Variants in SLC22A15 observed in about 807,000 individuals in gnomAD.
The protein encoded by SLC22A15 is solute carrier family 22 member 15.
In SLC22A15, 45 loss-of-function variants were observed where a neutral mutation model predicts 62.7. The ratio of observed to expected loss-of-function variants is 0.72; its 90% CI spans 0.56 to 0.92. The LOEUF is 0.92. Among genes scored for constraint, SLC22A15 ranks in the 40% least tolerant of loss-of-function variants. The pLI, the probability that SLC22A15 is intolerant of heterozygous loss-of-function variation, is 0.00. For synonymous variants in SLC22A15, 264 were observed against 267.0 expected (o/e 0.99, Z 0.11); for missense variants, 622 against 665.6 (o/e 0.93, Z 0.72).
rs560226980 is a variant in SLC22A15 at position 116,026,509 on chromosome 1, T to C, written c.599-384T>C. ...TGTGATAAAGATTAAGTTTCTGGTATTGCAATAACCTCATGACCTGAAAAG... is the reference window on the plus strand; with the variant it reads ...TGTGATAAAGATTAAGTTTCTGGTACTGCAATAACCTCATGACCTGAAAAG... On this transcript the variant is annotated intron_variant, in intron 4 of 11. Transcript: ENST00000369503. Among the ~76,000 whole-genome samples, 12 of 152,204 alleles carry C rather than the reference T, an allele frequency of 7.9e-5. No individual in the cohort carries two copies. In the South Asian group the frequency reaches 2.5e-3, roughly 32 times the overall value.
In SLC22A15 at chr1:116,058,235, A is replaced by G. The variant is rs571839347; in HGVS notation, c.1172-4527A>G. On this transcript the variant is annotated intron_variant, in intron 8 of 11. Coordinates refer to ENST00000369503, the MANE Select transcript of SLC22A15 (RefSeq NM_018420.3). ...TCTGTACATCTGACAAAGGACTAATATTCAGAATCTACAACAAACTCAAAC... is the reference window on the plus strand; with the variant it reads ...TCTGTACATCTGACAAAGGACTAATGTTCAGAATCTACAACAAACTCAAAC... Among the ~76,000 whole-genome samples the G allele has an allele frequency of 1.2e-3, 187 of 152,310 alleles. 1 individual carries two copies. Among genetic ancestry groups the G allele is most frequent in the Non-Finnish European group, 1.8e-3 (121 of 68,024 alleles).
At chr1:116,026,673 A>G (rs1024074048) in intron 4 of SLC22A15, among the ~76,000 whole-genome samples, 2 of 152,172 alleles carry the variant, frequency 1.3e-5, no homozygotes, top group African/African-American at 2.4e-5. Context: ...TTTTTTGTCT[A>G]TCTTCCCTTT....
chr1:116,034,245 A>G (rs1312397101), intron 6 of SLC22A15, among the ~76,000 whole-genome samples: 1 of 152,178 alleles, frequency 6.6e-6, no homozygotes, highest in Non-Finnish European at 1.5e-5. Flanking sequence ...TATTTTTGTA[A>G]AGCCCAGTTT....
In SLC22A15 at chr1:116,066,505, TC is replaced by T. The variant is rs3833541; in HGVS notation, c.1366-11del. The T allele has an allele frequency of 0.77, 1,205,691 of 1,566,732 alleles. 476,764 individuals carry two copies. The highest frequency in any genetic ancestry group is 0.81 in the Non-Finnish European group (932,338 of 1,152,696). ...ATTCTCTGGTTTATTTTCATTCCAC[TC>T]CCCGCCTCTGCAGAAATATGTGCAA... On this transcript the variant is annotated splice_polypyrimidine_tract_variant and intron_variant, in intron 10 of 11. Transcript: ENST00000369503.
intron 2 of SLC22A15, among the ~76,000 whole-genome samples, chr1:116,000,185 T>G (rs1655650480): frequency 6.6e-6 from 1 of 152,212 alleles, no homozygotes; most frequent in Admixed American, 6.5e-5. Flanking sequence ...CTCTTCCTTT[T>G]TTCTTTTTTG....
In SLC22A15 at chr1:116,064,419, T is replaced by C; in HGVS notation, c.1293-17T>C. 6.2e-7 allele frequency: 1 copy of C among 1,605,720 alleles called. No individual in the cohort carries two copies. The highest frequency in any genetic ancestry group is 8.5e-7 in the Non-Finnish European group (1 of 1,172,578). On this transcript the variant is annotated splice_polypyrimidine_tract_variant and intron_variant, in intron 9 of 11. Transcript: ENST00000369503. ...TCCGCTAGAACTTACTGATGTATTT[T>C]TACTTATGCTTTTCAGGAATGTTGG...
chr1:116,032,743 C>T, intron 6 of SLC22A15: 1 of 601,228 alleles, frequency 1.7e-6, no homozygotes, highest in African/African-American at 2.0e-5. Context: ...AACCTGACAA[C>T]ACAACATAGG....
At chr1:115,998,796 C>T (rs1187866049) in intron 2 of SLC22A15, among the ~76,000 whole-genome samples, 1 of 151,792 alleles carries the variant, frequency 6.6e-6, no homozygotes, top group African/African-American at 2.4e-5. Flanking sequence ...CTTCTCTCAT[C>T]TTTATTATTT....
At position 116,010,806 on chromosome 1, in the gene SLC22A15, C is replaced by T. The variant is rs549110532; in HGVS notation, c.301-8776C>T. On this transcript the variant is annotated intron_variant, in intron 2 of 11. Coordinates refer to ENST00000369503, the MANE Select transcript of SLC22A15 (RefSeq NM_018420.3). ...AGGAAGCTGCTATTGGCTTCATCCCCGCAGCCTTGAAATACTGACAAGCTA... is the reference window on the plus strand; with the variant it reads ...AGGAAGCTGCTATTGGCTTCATCCCTGCAGCCTTGAAATACTGACAAGCTA... Among the ~76,000 whole-genome samples the T allele has an allele frequency of 8.5e-5, 13 of 152,226 alleles. 1 individual carries two copies. Among genetic ancestry groups the T allele is most frequent in the South Asian group, 4.2e-4 (2 of 4,818 alleles).
chr1:116,014,277 C>A (rs1199377179), intron 2 of SLC22A15, among the ~76,000 whole-genome samples: 1 of 152,170 alleles, frequency 6.6e-6, no homozygotes, highest in African/African-American at 2.4e-5. Context: ...TTCCTTTCAT[C>A]TTTTATGTTA....
chr1:116,053,933 C>T (rs1448539873), intron 8 of SLC22A15, among the ~76,000 whole-genome samples: 2 of 151,756 alleles, frequency 1.3e-5, no homozygotes, highest in African/African-American at 2.4e-5. Flanking sequence ...ACAACCGGTA[C>T]CAGCCGCTGC....
chr1:116,064,363 C>T (rs750932140), intron 9 of SLC22A15, 73 bp from the exon 10 acceptor site: 17 of 1,097,860 alleles, frequency 1.5e-5, no homozygotes, highest in South Asian at 5.2e-5. Flanking sequence ...ATTCAAGGCC[C>T]GCTGCTGCCC....
chr1:116,061,701 T>G (rs996868905), intron 8 of SLC22A15, among the ~76,000 whole-genome samples: 5 of 151,784 alleles, frequency 3.3e-5, no homozygotes, highest in Admixed American at 2.6e-4. Context: ...AAAAAAATCA[T>G]TAAATTGTAG....
rs908460213 is a variant in SLC22A15, at chr1:116,020,643, A to C, written c.434-78A>C. On this transcript the variant is annotated intron_variant, in intron 3 of 11. Coordinates refer to ENST00000369503, the MANE Select transcript of SLC22A15 (RefSeq NM_018420.3). ...TAAGTTTACAAACATTTATTTTATA[A>C]GCTAATGAATATAATTTATTACTTT... 221 of 1,107,610 alleles carry C rather than the reference A, an allele frequency of 2.0e-4. 2 individuals are homozygous for C. The highest frequency in any genetic ancestry group is 1.2e-4 in the Admixed American group (4 of 34,280). The allele number at this position is 1,107,610 out of a possible 1,614,324, so 68.6% of individuals were successfully genotyped here. A position where few individuals can be genotyped will look rare whatever the true frequency, so the allele number is the denominator to read the frequency against.
intron 2 of SLC22A15, among the ~76,000 whole-genome samples, chr1:116,015,636 G>C: frequency 6.6e-6 from 1 of 152,092 alleles, no homozygotes; most frequent in East Asian, 1.9e-4. Flanking sequence ...CAATAAAACA[G>C]GCCAAGATCA....
chr1:116,038,858 A>G (rs10923962), intron 8 of SLC22A15, among the ~76,000 whole-genome samples: 135,456 of 152,156 alleles, frequency 0.89, 61,252 homozygotes, highest in East Asian at 1. Context: ...CTAGTCCTAT[A>G]TACACACGTG....
rs1441314741 is a variant in SLC22A15 at position 116,067,052 on chromosome 1, A to G, written c.1588A>G (p.Ser530Gly). ...CAAGGAGAGCTCTTTAGGGAGTGAG[A>G]GTGAGGAAGAGGAAGAATTTTATGA... Reference protein sequence around the residue: ...VDKESSLGSESEEEEEFYDAD... With the variant: ...VDKESSLGSEGEEEEEFYDAD... The change falls in exon 12 of 12, where the codon AGT becomes GGT. Residue 530 changes from serine to glycine, a missense_variant. Physicochemically the swap from Ser to Gly is moderately conservative, Grantham distance 56. Coordinates refer to ENST00000369503, the MANE Select transcript of SLC22A15 (RefSeq NM_018420.3). 1 of 1,612,730 alleles carries G rather than the reference A, an allele frequency of 6.2e-7. No homozygotes were observed. The highest frequency in any genetic ancestry group is 8.5e-7 in the Non-Finnish European group (1 of 1,179,480).
chr1:116,057,391 A>G (rs1195988928), intron 8 of SLC22A15, among the ~76,000 whole-genome samples: 1 of 151,946 alleles, frequency 6.6e-6, no homozygotes, highest in Admixed American at 6.6e-5. Flanking sequence ...GGTGATCATT[A>G]AAAAGTCAGG....
rs1400826631 is a variant in SLC22A15, at chr1:116,067,890, G to C, written c.*782G>C. The stretch of plus-strand genomic sequence containing the variant: ...TGCACATCCAGAAAAATTTCCATCT[G>C]AGATTCTAGTACTTCAAAATCATGC... On this transcript the variant is annotated 3_prime_UTR_variant, in exon 12 of 12. Coordinates refer to ENST00000369503, the MANE Select transcript of SLC22A15 (RefSeq NM_018420.3). 6.6e-6 allele frequency: 1 copy of C among 152,070 alleles called. No individual in the cohort carries two copies. Among genetic ancestry groups the C allele is most frequent in the Admixed American group, 6.6e-5 (1 of 15,264 alleles). 9.4% of individuals were successfully genotyped at this position (152,070 alleles called of 1,614,324 possible). A position where few individuals can be genotyped will look rare whatever the true frequency, so the allele number is the denominator to read the frequency against.
Sources: gnomAD v4.1 joint callset for allele counts (sites outside exome capture counted in the v4.1 genomes callset) on GRCh38, gnomAD v4.1.1 for gene constraint, MANE v1.5 for transcripts, NCBI Gene and HGNC (gene_info 2026-07-23, HGNC 2026-07-21) for gene names.